The following XKR4 variants were observed in gnomAD, a reference collection of about 807,000 sequenced individuals.
XKR4 encodes XK-related protein 4.
Under a neutral mutation model 53.9 loss-of-function variants are expected in XKR4, and 12 were observed. That is an observed-to-expected ratio of 0.22 (90% CI 0.14 to 0.36). XKR4 has a LOEUF of 0.36. Ranked by LOEUF, XKR4 falls within the 10% of genes least tolerant of loss-of-function variation. The pLI is 1.00. For missense variants in XKR4, 799 were observed against 859.5 expected (o/e 0.93, Z 0.88); for synonymous variants, 354 against 362.4 (o/e 0.98, Z 0.26).
At position 55,523,791 on chromosome 8, in the gene XKR4, T is replaced by C. The variant is rs369919941; in HGVS notation, c.1517T>C (p.Met506Thr). 6.2e-7 allele frequency: 1 copy of C among 1,614,256 alleles called. No homozygotes were observed. Residue 506 changes from methionine (M) to threonine (T), a missense_variant, in exon 3 of 3, where the codon ATG becomes ACG. Met to Thr is a moderately conservative substitution (Grantham distance 81). Transcript: ENST00000327381. ...AGCTTTTTAACTGGCGTTGTTTTTA[T>C]GCTGATGTATTATGCCTTCTTTCAT... ...FSSFLTGVVF[M>T]LMYYAFFHPN...
intron 2 of XKR4, among the ~76,000 whole-genome samples, chr8:55,448,685 A>G (rs1585578193): frequency 1.3e-5 from 2 of 152,324 alleles, no homozygotes; most frequent in East Asian, 3.9e-4. Context: ...CTCCCACTAA[A>G]GATCTCCCAC....
At chr8:55,229,794 A>C (rs79236334) in intron 1 of XKR4, among the ~76,000 whole-genome samples, 2,007 of 151,112 alleles carry the variant, frequency 0.013, 41 homozygotes, top group East Asian at 0.041. Flanking sequence ...TGCATTGCCA[A>C]CTCCAGCTGG....
intron 1 of XKR4, among the ~76,000 whole-genome samples, chr8:55,287,261 G>A (rs1818920703): frequency 6.6e-6 from 1 of 151,650 alleles, no homozygotes; most frequent in Non-Finnish European, 1.5e-5. Context: ...TGGAGCACAA[G>A]CTATATATTT....
intron 1 of XKR4, among the ~76,000 whole-genome samples, chr8:55,316,651 C>T (rs1563322877): frequency 6.6e-6 from 1 of 152,138 alleles, no homozygotes. Context: ...TCCTCTGCCC[C>T]TTCCTCTGGC....
chr8:55,164,275 C>T (rs1016208918), intron 1 of XKR4: 1 of 456,040 alleles, frequency 2.2e-6, no homozygotes, highest in Non-Finnish European at 4.4e-6. Context: ...CTTTGCCTGA[C>T]CCTCGTCCAT....
intron 1 of XKR4, among the ~76,000 whole-genome samples, chr8:55,322,827 A>G (rs890326734): frequency 5.3e-5 from 8 of 152,210 alleles, no homozygotes; most frequent in Non-Finnish European, 1.0e-4. Context: ...TAATATAGGA[A>G]CAATCATATT....
chr8:55,161,795 TG>T (rs1816990483), intron 1 of XKR4, among the ~76,000 whole-genome samples: 1 of 152,222 alleles, frequency 6.6e-6, no homozygotes, highest in Non-Finnish European at 1.5e-5. Flanking sequence ...TACAAAACTG[TG>T]CTTAGCAAAG....
chr8:55,493,698 G>C (rs888585345), intron 2 of XKR4, among the ~76,000 whole-genome samples: 1 of 152,174 alleles, frequency 6.6e-6, no homozygotes, highest in African/African-American at 2.4e-5. Flanking sequence ...TATTTAATAA[G>C]CAGTGGCATG....
chr8:55,110,542 G>T (rs1434681141), intron 1 of XKR4, among the ~76,000 whole-genome samples: 1 of 152,140 alleles, frequency 6.6e-6, no homozygotes, highest in Non-Finnish European at 1.5e-5. Flanking sequence ...AATCAGAAAA[G>T]GTGCAATGTC....
intron 1 of XKR4, among the ~76,000 whole-genome samples, chr8:55,329,840 C>T (rs933491377): frequency 1.6e-4 from 24 of 152,152 alleles, no homozygotes; most frequent in Non-Finnish European, 3.2e-4. Flanking sequence ...AGCACAATCA[C>T]CCCAGTACAT....
chr8:55,326,489 G>GTTTTA (rs1803296308), intron 1 of XKR4, among the ~76,000 whole-genome samples: 1 of 63,540 alleles, frequency 1.6e-5, no homozygotes, highest in African/African-American at 4.6e-5. Context: ...TTTTTTTTTG[G>GTTTTA]AAACAGAGTT....
At chr8:55,153,887 C>G (rs1204456042) in intron 1 of XKR4, among the ~76,000 whole-genome samples, 1 of 152,182 alleles carries the variant, frequency 6.6e-6, no homozygotes, top group East Asian at 1.9e-4. Flanking sequence ...ATTAGACATA[C>G]AGGCAAATCA....
intron 1 of XKR4, among the ~76,000 whole-genome samples, chr8:55,302,843 T>C (rs1230216155): frequency 1.3e-5 from 2 of 152,246 alleles, no homozygotes; most frequent in African/African-American, 4.8e-5. Flanking sequence ...TGTACAATGA[T>C]TTTGTATCCT....
At chr8:55,441,774 A>C (rs919874832) in intron 2 of XKR4, among the ~76,000 whole-genome samples, 3 of 152,230 alleles carry the variant, frequency 2.0e-5, no homozygotes, top group African/African-American at 7.2e-5. Context: ...CGAAGTATAG[A>C]GCATAATGTA....
chr8:55,354,904 ATTT>A (rs772993526), intron 1 of XKR4, among the ~76,000 whole-genome samples: 1 of 142,626 alleles, frequency 7.0e-6, no homozygotes. Context: ...TCAGTATAGA[ATTT>A]TTTTTTTTTT....
chr8:55,258,690 G>T (rs1236141376), intron 1 of XKR4, among the ~76,000 whole-genome samples: 1 of 152,136 alleles, frequency 6.6e-6, no homozygotes, highest in Non-Finnish European at 1.5e-5. Context: ...TTAATTAAAA[G>T]CATCATCATT....
At chr8:55,499,745 T>A (rs2975965) in intron 2 of XKR4, among the ~76,000 whole-genome samples, 66,708 of 152,026 alleles carry the variant, frequency 0.44, 17,234 homozygotes, top group African/African-American at 0.73. Context: ...GTCTTTATTT[T>A]TATATTTACA....
intron 1 of XKR4, among the ~76,000 whole-genome samples, chr8:55,311,400 T>A (rs558780668): frequency 1.3e-5 from 2 of 151,620 alleles, no homozygotes; most frequent in Non-Finnish European, 2.9e-5. Flanking sequence ...TCAAGCAAAA[T>A]AGGGAAGTGG....
intron 1 of XKR4, among the ~76,000 whole-genome samples, chr8:55,355,044 C>T (rs929353320): frequency 2.0e-5 from 3 of 151,808 alleles, no homozygotes; most frequent in African/African-American, 7.3e-5. Context: ...GCTGGGATTA[C>T]AGGCATGTGC....
Sources: gnomAD v4.1 joint callset for allele counts (sites outside exome capture counted in the v4.1 genomes callset) on GRCh38, gnomAD v4.1.1 for gene constraint, MANE v1.5 for transcripts, NCBI Gene and HGNC (gene_info 2026-07-23, HGNC 2026-07-21) for gene names.